Variants in NBPF3 observed in about 807,000 individuals in gnomAD.
NBPF3 encodes the protein NBPF member 3, also known as NBPF family member NBPF3.
Under a neutral mutation model 78.1 loss-of-function variants are expected in NBPF3, and 57 were observed. That is an observed-to-expected ratio of 0.73 (90% CI 0.59 to 0.91). The LOEUF is 0.91. Among genes scored for constraint, NBPF3 ranks in the 40% least tolerant of loss-of-function variants. The pLI is 0.00. For missense variants in NBPF3, 510 were observed against 715.3 expected (o/e 0.71, Z 3.27); for synonymous variants, 182 against 271.7 (o/e 0.67, Z 3.25).
chr1:21,450,157 G>GT (rs11415493), intron 2 of NBPF3, among the ~76,000 whole-genome samples: 82,168 of 151,770 alleles, frequency 0.54, 22,998 homozygotes, highest in Admixed American at 0.66. Context: ...GGCTGGCTGT[G>GT]TTTTTTTTCT....
In NBPF3 at chr1:21,445,129, C is replaced by T. The variant is rs774019501; in HGVS notation, c.43C>T (p.Arg15Ter). Reference protein sequence around the residue: ...PTVQGFQWTLRGPDVETSPFG... With the variant: ...PTVQGFQWTL ...TGTCCAGGGCTTCCAGTGGACTCTC[C>T]GAGGCCCTGATGTAGAAACTTCCCC... The change falls in exon 2 of 15, where the codon CGA becomes TGA. Residue 15 changes from arginine to a stop codon, truncating the protein, a stop_gained. Transcript: ENST00000318249. LOFTEE classifies it high-confidence loss of function. 3.2e-5 allele frequency: 51 copies of T among 1,611,722 alleles called. No homozygotes were observed. The highest frequency in any genetic ancestry group is 4.5e-4 in the Middle Eastern group (2 of 4,452).
In NBPF3 at chr1:21,476,915, A is replaced by G. The variant is rs982334841; in HGVS notation, c.993-1229A>G. Among the ~76,000 whole-genome samples the G allele has an allele frequency of 2.6e-5, 4 of 152,234 alleles. No individual in the cohort carries two copies. Among genetic ancestry groups the G allele is most frequent in the African/African-American group, 9.6e-5 (4 of 41,464 alleles). On this transcript the variant is annotated intron_variant, in intron 8 of 14. Coordinates refer to ENST00000318249, the MANE Select transcript of NBPF3 (RefSeq NM_032264.6). This position sits in a 1 kb window ranked among gnomAD's most constrained non-coding sequence, Gnocchi z 4.1. ...CTCCCCGTCACTTTCAGGTACACCA[A>G]TCAAATGTAGATTTGGTCTTTTCAC...
At chr1:21,456,882 AAAAT>A (rs754878791) in intron 2 of NBPF3, among the ~76,000 whole-genome samples, 10 of 152,372 alleles carry the variant, frequency 6.6e-5, no homozygotes, top group African/African-American at 4.8e-5. Context: ...TAAAGTAAGA[AAAAT>A]AAAAGTATTG....
At chr1:21,471,213 C>A (rs1163920341) in intron 4 of NBPF3, among the ~76,000 whole-genome samples, 1 of 152,102 alleles carries the variant, frequency 6.6e-6, no homozygotes, top group Non-Finnish European at 1.5e-5. Flanking sequence ...TGTATCTAGT[C>A]GCTGCAAGAT....
At chr1:21,477,977 C>CTG in intron 8 of NBPF3, 167 bp from the exon 9 acceptor site, 1 of 1,465,070 alleles carries the variant, frequency 6.8e-7, no homozygotes. Flanking sequence ...AGAGCAGTCA[C>CTG]CCTCCAGCCT....
At chr1:21,474,981 T>C (rs769817585) in intron 8 of NBPF3, 30 bp downstream of exon 8, 1 of 1,581,518 alleles carries the variant, frequency 6.3e-7, no homozygotes, top group Non-Finnish European at 8.7e-7. Context: ...GGCTGTTAAT[T>C]CAATAGTGGC....
intron 2 of NBPF3, among the ~76,000 whole-genome samples, chr1:21,455,237 G>C (rs1449559854): frequency 6.6e-6 from 1 of 152,184 alleles, no homozygotes; most frequent in East Asian, 1.9e-4. Context: ...TCTTAAATTT[G>C]ACCGATTTGG....
chr1:21,480,729 A>T (rs1643172506), intron 11 of NBPF3, among the ~76,000 whole-genome samples: 1 of 152,360 alleles, frequency 6.6e-6, no homozygotes, highest in East Asian at 1.9e-4. Flanking sequence ...CAGAATAGGG[A>T]CATTTCACCC....
chr1:21,483,133 C>A lies in NBPF3; in HGVS notation c.1659-10C>A. The A allele has an allele frequency of 1.9e-6, 3 of 1,612,244 alleles. No individual in the cohort carries two copies. The highest frequency in any genetic ancestry group is 2.5e-6 in the Non-Finnish European group (3 of 1,179,564). On this transcript the variant is annotated splice_polypyrimidine_tract_variant and intron_variant, in intron 14 of 14. Transcript: ENST00000318249. The stretch of plus-strand genomic sequence containing the variant: ...CCTGGCTGCTTCTTTAGTTTTGTCT[C>A]CTTTTCCAGGCTCAACGAGGTGCTG...
intron 10 of NBPF3, 72 bp from the exon 11 acceptor site, chr1:21,479,979 C>T: frequency 2.5e-6 from 2 of 815,894 alleles, no homozygotes; most frequent in South Asian, 1.3e-5. Flanking sequence ...TTATGTTACC[C>T]ATGAAATCTA....
At chr1:21,448,827 G>A (rs778049068) in intron 2 of NBPF3, among the ~76,000 whole-genome samples, 2 of 152,116 alleles carry the variant, frequency 1.3e-5, no homozygotes, top group African/African-American at 2.4e-5. Context: ...TAGGGTGGCC[G>A]TTTTCCCTGT....
Position 21,478,314 on chromosome 1 carries a change from A to G in NBPF3, c.1156+7A>G, listed in dbSNP as rs1308373142. On this transcript the variant is annotated splice_region_variant and intron_variant, in intron 9 of 14. Transcript: ENST00000318249. ...TTGGCTCTTGACATAGGCAGTGAGTACTCCATTTTGAAGGTGATAAAGCTC... is the reference window on the plus strand; with the variant it reads ...TTGGCTCTTGACATAGGCAGTGAGTGCTCCATTTTGAAGGTGATAAAGCTC... 11 of 1,612,518 alleles carry G rather than the reference A, an allele frequency of 6.8e-6. No homozygotes were observed. The Admixed American group carries it at 1.8e-4, about 27-fold the overall frequency.
At chr1:21,467,011 C>CTCCCGCTCATTGAATCAGCATCT in intron 2 of NBPF3, 1 of 984,800 alleles carries the variant, frequency 1.0e-6, no homozygotes, top group East Asian at 1.1e-4. Flanking sequence ...AAAACTCACC[C>CTCCCGCTCATTGAATCAGCATCT]CTGTGTGACC....
At chr1:21,437,160 A>G (rs1288316310), upstream of NBPF3, among the ~76,000 whole-genome samples, 2 of 152,046 alleles carry the variant, frequency 1.3e-5, no homozygotes, top group Non-Finnish European at 2.9e-5. Flanking sequence ...AGGTCTAGCA[A>G]GGGAAATCAG....
intron 2 of NBPF3, chr1:21,451,757 C>T: frequency 9.6e-6 from 2 of 207,992 alleles, no homozygotes; most frequent in Non-Finnish European, 1.8e-5. Flanking sequence ...TTCTTGGTTC[C>T]TTCTTGGTAG....
chr1:21,454,807 T>A (rs1453529126), intron 2 of NBPF3, among the ~76,000 whole-genome samples: 1 of 152,238 alleles, frequency 6.6e-6, no homozygotes, highest in African/African-American at 2.4e-5. Context: ...CATACTAAAT[T>A]ACTGCAAGCA....
chr1:21,440,217 C>T lies in NBPF3; in HGVS notation c.-271C>T, dbSNP rs1451584951. On this transcript the variant is annotated 5_prime_UTR_variant, in exon 1 of 15. Transcript: ENST00000318249. ...GAGGATCCCGAGACTGAGTGAGCTT[C>T]TGCGCGCGGTGCTTTTGGGAACGCG... 1.3e-5 allele frequency: 2 copies of T among 151,514 alleles called. No homozygotes were observed. The highest frequency in any genetic ancestry group is 1.9e-4 in the East Asian group (1 of 5,178). 9.4% of individuals were successfully genotyped at this position (151,514 alleles called of 1,614,324 possible).
At chr1:21,468,432 C>G in intron 2 of NBPF3, 2 of 1,369,702 alleles carry the variant, frequency 1.5e-6, no homozygotes, top group Non-Finnish European at 1.9e-6. Context: ...TCTGTTATTG[C>G]AACTGCAGAC....
At chr1:21,437,381 G>A (rs1640445870), upstream of NBPF3, 2 of 773,870 alleles carry the variant, frequency 2.6e-6, no homozygotes, top group African/African-American at 1.8e-5. Flanking sequence ...GGTGGTGAGA[G>A]CACATTGGGG....
Sources: allele counts gnomAD v4.1 joint callset (sites outside exome capture counted in the v4.1 genomes callset), GRCh38; gene constraint gnomAD v4.1.1; non-coding constraint Gnocchi (gnomAD v3.1); transcripts MANE v1.5; gene names NCBI Gene and HGNC (gene_info 2026-07-23, HGNC 2026-07-21).